The following MEIS2 variants were observed in gnomAD, a reference collection of about 807,000 sequenced individuals.
MEIS2 encodes Meis homeobox 2, also known as homeobox protein Meis2.
MEIS2 carries 9 observed loss-of-function variants against 58.6 expected under a neutral mutation model. The observed-to-expected ratio is 0.15, with a 90% CI of 0.09 to 0.27. The LOEUF (loss-of-function observed/expected upper bound fraction) is 0.27. Ranked by LOEUF, MEIS2 falls within the 10% of genes least tolerant of loss-of-function variation. The pLI is 1.00. For synonymous variants in MEIS2, 221 were observed against 228.4 expected (o/e 0.97, Z 0.29); for missense variants, 427 against 635.0 (o/e 0.67, Z 3.52).
rs2055780277 is a variant in MEIS2 at position 36,889,419 on chromosome 15, T to C, written c.*2754A>G. The C allele has an allele frequency of 6.6e-6, 1 of 152,084 alleles. No homozygotes were observed. The highest frequency in any genetic ancestry group is 1.5e-5 in the Non-Finnish European group (1 of 68,022). The allele number at this position is 152,084 out of a possible 1,614,324, so 9.4% of individuals were successfully genotyped here. A position where few individuals can be genotyped will look rare whatever the true frequency, so the allele number is the denominator to read the frequency against. Reference sequence around the variant, plus strand: ...AAGCATTATAAAAATTGGACAAATCTATCACTTCTCTGTGTTATCATGGGG... The same window carrying C: ...AAGCATTATAAAAATTGGACAAATCCATCACTTCTCTGTGTTATCATGGGG... On this transcript the variant is annotated 3_prime_UTR_variant, in exon 12 of 12. Transcript: ENST00000561208.
At chr15:36,982,623 A>C (rs1567140784) in intron 8 of MEIS2, among the ~76,000 whole-genome samples, 2 of 152,162 alleles carry the variant, frequency 1.3e-5, no homozygotes, top group Non-Finnish European at 2.9e-5. Flanking sequence ...GGGAATGCAG[A>C]TATTTCTTTG....
chr15:37,100,591 G>A (rs1894988590), upstream of MEIS2: 1 of 147,588 alleles, frequency 6.8e-6, no homozygotes, highest in African/African-American at 2.5e-5. Flanking sequence ...AGGCGGGGGG[G>A]CGGGAGGGGG....
chr15:37,033,794 T>G (rs1382133228), intron 8 of MEIS2, among the ~76,000 whole-genome samples: 2 of 152,164 alleles, frequency 1.3e-5, no homozygotes, highest in Non-Finnish European at 1.5e-5. Flanking sequence ...GGGTCTCTAT[T>G]CTTGGTTTCT....
At chr15:36,971,473 G>A (rs1199570154) in intron 8 of MEIS2, among the ~76,000 whole-genome samples, 1 of 138,528 alleles carries the variant, frequency 7.2e-6, no homozygotes, top group Non-Finnish European at 1.5e-5. Flanking sequence ...TAAGAAACTG[G>A]CTTGGAACTT....
intron 9 of MEIS2, among the ~76,000 whole-genome samples, chr15:36,928,898 G>A (rs868512085): frequency 6.6e-6 from 1 of 152,130 alleles, no homozygotes; most frequent in Non-Finnish European, 1.5e-5. Context: ...CTTGGAAAAT[G>A]AGTGGCACTG....
At chr15:36,979,446 T>C (rs1595860133) in intron 8 of MEIS2, among the ~76,000 whole-genome samples, 1 of 152,164 alleles carries the variant, frequency 6.6e-6, no homozygotes, top group African/African-American at 2.4e-5. Context: ...TTTGCCAACA[T>C]TGGTGCTTTG....
intron 3 of MEIS2, 192 bp from the exon 4 acceptor site, chr15:37,095,806 A>T: frequency 1.3e-6 from 1 of 743,562 alleles, no homozygotes; most frequent in Non-Finnish European, 2.1e-6. Flanking sequence ...TCCTGGCCCC[A>T]TTAAGGGGGA....
intron 8 of MEIS2, among the ~76,000 whole-genome samples, chr15:36,956,144 C>T (rs948665865): frequency 2.8e-5 from 4 of 143,190 alleles, no homozygotes; most frequent in Admixed American, 7.2e-5. Flanking sequence ...TGCAGTGAGC[C>T]GAGCGACTCA....
In MEIS2 at chr15:37,008,419, C is replaced by T. The variant is rs548692821; in HGVS notation, c.900+28395G>A. 4.6e-5 allele frequency among the ~76,000 whole-genome samples: 7 copies of T among 152,256 alleles called. No individual in the cohort carries two copies. In the East Asian group the frequency reaches 1.4e-3, roughly 29 times the overall value. On this transcript the variant is annotated intron_variant, in intron 8 of 11. Transcript: ENST00000561208. Reference sequence around the variant, plus strand: ...GTAAATGAGTGTAGGTGAGTAAAAGCCAGCAAAGATAAAACACAAAATGAA... The same window carrying T: ...GTAAATGAGTGTAGGTGAGTAAAAGTCAGCAAAGATAAAACACAAAATGAA...
At chr15:36,950,454 C>T (rs2058715850) in intron 8 of MEIS2, 54 bp from the exon 9 acceptor site, 4 of 1,530,736 alleles carry the variant, frequency 2.6e-6, no homozygotes, top group Non-Finnish European at 2.7e-6. Context: ...GAAAGAGTCA[C>T]TTACTTCTAA....
chr15:37,048,848 T>G (rs1237589463), intron 7 of MEIS2, among the ~76,000 whole-genome samples: 13 of 152,166 alleles, frequency 8.5e-5, no homozygotes, highest in Non-Finnish European at 1.6e-4. Context: ...ATTATGGAGT[T>G]GATGACTGGT....
chr15:37,089,060 A>G (rs1893221694), intron 6 of MEIS2, among the ~76,000 whole-genome samples: 1 of 152,088 alleles, frequency 6.6e-6, no homozygotes, highest in East Asian at 1.9e-4. Context: ...GGGAATTAAG[A>G]AAGCTAACAA....
At chr15:37,013,559 C>G in intron 8 of MEIS2, among the ~76,000 whole-genome samples, 1 of 144,148 alleles carries the variant, frequency 6.9e-6, no homozygotes, top group Middle Eastern at 3.4e-3. Context: ...GCAACAAGAG[C>G]AAAACTCCAA....
intron 8 of MEIS2, among the ~76,000 whole-genome samples, chr15:36,978,796 A>C (rs945363587): frequency 6.6e-6 from 1 of 152,172 alleles, no homozygotes; most frequent in African/African-American, 2.4e-5. Context: ...ATACATCTCT[A>C]TTACATTTTG....
chr15:37,083,504 G>A (rs1038577286), intron 7 of MEIS2, among the ~76,000 whole-genome samples: 11 of 152,176 alleles, frequency 7.2e-5, no homozygotes, highest in African/African-American at 2.2e-4. Flanking sequence ...GAAATAAAGT[G>A]TAGATAACCA....
At chr15:36,945,650 C>G (rs527308834) in intron 9 of MEIS2, among the ~76,000 whole-genome samples, 1 of 152,134 alleles carries the variant, frequency 6.6e-6, no homozygotes, top group Non-Finnish European at 1.5e-5. Context: ...AAAACTGCCA[C>G]TTTCCATGAA....
intron 7 of MEIS2, among the ~76,000 whole-genome samples, chr15:37,037,350 T>C (rs1359580083): frequency 6.6e-6 from 1 of 152,174 alleles, no homozygotes; most frequent in African/African-American, 2.4e-5. Context: ...AGTCTATATA[T>C]TCTAGGCTGC....
chr15:37,058,535 C>CGT (rs1888754629), intron 7 of MEIS2, among the ~76,000 whole-genome samples: 1 of 152,186 alleles, frequency 6.6e-6, no homozygotes, highest in South Asian at 2.1e-4. Context: ...CTCTCACAGA[C>CGT]GTCTCCGGCA....
chr15:37,091,414 A>G (rs957303235), intron 6 of MEIS2, among the ~76,000 whole-genome samples: 5 of 152,178 alleles, frequency 3.3e-5, no homozygotes, highest in African/African-American at 1.2e-4. Context: ...GCTAAAGTAA[A>G]AATGTTATAG....
Sources: allele counts gnomAD v4.1 joint callset (sites outside exome capture counted in the v4.1 genomes callset), GRCh38; gene constraint gnomAD v4.1.1; transcripts MANE v1.5; gene names NCBI Gene and HGNC (gene_info 2026-07-23, HGNC 2026-07-21).